Variants in CDH8 observed in about 807,000 individuals in gnomAD.
CDH8 encodes cadherin-8.
A neutral mutation model predicts 68.1 loss-of-function variants in CDH8; 17 were observed. The ratio of observed to expected loss-of-function variants is 0.25; its 90% CI spans 0.17 to 0.37. The LOEUF (loss-of-function observed/expected upper bound fraction) is 0.37. Ranked by LOEUF, CDH8 falls within the 10% of genes least tolerant of loss-of-function variation. CDH8 has a pLI of 1.00. For missense variants in CDH8, 763 were observed against 999.3 expected (o/e 0.76, Z 3.19); for synonymous variants, 372 against 365.1 (o/e 1.02, Z -0.21).
At chr16:61,731,384 C>T (rs539646938) in intron 8 of CDH8, among the ~76,000 whole-genome samples, 6 of 151,690 alleles carry the variant, frequency 4.0e-5, no homozygotes, top group Non-Finnish European at 3.0e-5. Flanking sequence ...CAGATCATAC[C>T]GTGGAACAAA....
intron 3 of CDH8, among the ~76,000 whole-genome samples, chr16:61,882,984 G>A (rs2143141031): frequency 6.6e-6 from 1 of 152,262 alleles, no homozygotes; most frequent in Middle Eastern, 3.4e-3. Flanking sequence ...AGCAAGCACT[G>A]TCCTAGGTGA....
intron 10 of CDH8, among the ~76,000 whole-genome samples, chr16:61,671,150 C>T (rs1963784872): frequency 6.6e-6 from 1 of 152,138 alleles, no homozygotes; most frequent in African/African-American, 2.4e-5. Context: ...AATATCTGAG[C>T]ATATTAATAA....
intron 4 of CDH8, among the ~76,000 whole-genome samples, chr16:61,850,045 TAC>T (rs1162827112): frequency 1.3e-5 from 2 of 151,942 alleles, no homozygotes; most frequent in East Asian, 3.9e-4. Context: ...TGGACTTATA[TAC>T]TATCCATTTT....
intron 8 of CDH8, among the ~76,000 whole-genome samples, chr16:61,782,404 G>A (rs1185363033): frequency 9.2e-5 from 14 of 151,856 alleles, no homozygotes; most frequent in Middle Eastern, 3.4e-3. Context: ...GGCGCACCAC[G>A]AGACTATATC....
chr16:61,812,593 A>C (rs1961977036), intron 7 of CDH8, among the ~76,000 whole-genome samples: 1 of 152,236 alleles, frequency 6.6e-6, no homozygotes, highest in Non-Finnish European at 1.5e-5. Flanking sequence ...AAAGGAAAAA[A>C]AAAATGGCCC....
intron 2 of CDH8, among the ~76,000 whole-genome samples, chr16:61,961,873 C>T (rs376529513): frequency 2.6e-5 from 4 of 152,176 alleles, no homozygotes; most frequent in African/African-American, 7.2e-5. Context: ...ATTAGGGGTC[C>T]GAAGCCCCAT....
At chr16:61,889,798 T>C (rs948583198) in intron 3 of CDH8, among the ~76,000 whole-genome samples, 5 of 152,246 alleles carry the variant, frequency 3.3e-5, no homozygotes, top group East Asian at 3.9e-4. Flanking sequence ...TCAACAAATA[T>C]GTTGAATCCT....
intron 2 of CDH8, among the ~76,000 whole-genome samples, chr16:61,960,527 TTAAC>T (rs972282755): frequency 3.9e-5 from 6 of 152,046 alleles, no homozygotes; most frequent in Non-Finnish European, 7.4e-5. Flanking sequence ...GTAAAAGTGT[TTAAC>T]TATTTTTTCT....
At chr16:61,862,135 TCACACACACACACA>T (rs3069990) in intron 3 of CDH8, among the ~76,000 whole-genome samples, 3 of 146,328 alleles carry the variant, frequency 2.1e-5, no homozygotes, top group South Asian at 2.2e-4. Flanking sequence ...CAAACACCAC[TCACACACACACACA>T]CACACACACA....
At chr16:61,797,231 T>C (rs1441203822) in intron 7 of CDH8, among the ~76,000 whole-genome samples, 1 of 152,076 alleles carries the variant, frequency 6.6e-6, no homozygotes, top group East Asian at 1.9e-4. Flanking sequence ...TTTTGTTTTT[T>C]TGTAATAAAG....
intron 2 of CDH8, among the ~76,000 whole-genome samples, chr16:61,983,657 A>G (rs1337610023): frequency 6.6e-6 from 1 of 152,190 alleles, no homozygotes; most frequent in South Asian, 2.1e-4. Flanking sequence ...CTGCTTAACT[A>G]TAAATTTTAA....
chr16:61,798,028 A>G (rs1315189072), intron 7 of CDH8, among the ~76,000 whole-genome samples: 1 of 152,166 alleles, frequency 6.6e-6, no homozygotes, highest in African/African-American at 2.4e-5. Context: ...TGGAACAAAA[A>G]AAAAGAAAAT....
intron 2 of CDH8, among the ~76,000 whole-genome samples, chr16:61,931,025 T>C (rs561043952): frequency 8.5e-5 from 13 of 152,240 alleles, no homozygotes; most frequent in Non-Finnish European, 1.8e-4. Context: ...AGTTACTGAA[T>C]AGTCATGTCA....
At chr16:61,886,073 C>T (rs544210123) in intron 3 of CDH8, among the ~76,000 whole-genome samples, 44 of 152,316 alleles carry the variant, frequency 2.9e-4, no homozygotes, top group Admixed American at 2.3e-3. Context: ...ACCCTCTACC[C>T]TGGTTCTAAC....
intron 4 of CDH8, among the ~76,000 whole-genome samples, chr16:61,834,412 A>G (rs993810957): frequency 2.0e-5 from 3 of 151,954 alleles, no homozygotes; most frequent in Non-Finnish European, 4.4e-5. Context: ...TAGCACTACA[A>G]TTAATGCTAG....
At position 61,717,467 on chromosome 16, in the gene CDH8, C is replaced by A. The variant is rs1327519804; in HGVS notation, c.1537-3509G>T. On this transcript the variant is annotated intron_variant, in intron 9 of 11. Transcript: ENST00000577390. ...CCCTTAAAAATCTTTCATTGTTTAT[C>A]AAAAATTCTAAATCTAAATTAGATT... 4.6e-5 allele frequency among the ~76,000 whole-genome samples: 7 copies of A among 151,628 alleles called. No individual in the cohort carries two copies. In the East Asian group the frequency reaches 1.4e-3, roughly 30 times the overall value.
At position 61,817,547 on chromosome 16, in the gene CDH8, A is replaced by G. The variant is rs1962107952; in HGVS notation, c.1209T>C (p.Asn403=). The part of the protein sequence containing the change: ...SPTYLLEVHE[N]AALNSVIGQV... The stretch of plus-strand genomic sequence containing the variant: ...GCCCAATCACGGAGTTTAGAGCAGC[A>G]TTTTCATGAACTTCAAGTAGGTAAG... Residue 403 remains asparagine, a synonymous_variant, in exon 7 of 12, where the codon AAT becomes AAC. Coordinates refer to ENST00000577390, the MANE Select transcript of CDH8 (RefSeq NM_001796.5). 7 of 1,613,810 alleles carry G rather than the reference A, an allele frequency of 4.3e-6. No individual in the cohort carries two copies. In the South Asian group the frequency reaches 5.5e-5, roughly 13 times the overall value.
At chr16:61,920,744 C>G (rs1964349022) in intron 2 of CDH8, among the ~76,000 whole-genome samples, 1 of 59,598 alleles carries the variant, frequency 1.7e-5, no homozygotes, top group African/African-American at 6.9e-5. Flanking sequence ...CCCAGCCATC[C>G]CATTACTGGG....
intron 2 of CDH8, among the ~76,000 whole-genome samples, chr16:61,951,234 G>A (rs377313730): frequency 1.1e-4 from 16 of 151,690 alleles, no homozygotes; most frequent in East Asian, 7.7e-4. Context: ...CATATGGGCC[G>A]GGCATGGTGG....
Sources: allele counts gnomAD v4.1 joint callset (sites outside exome capture counted in the v4.1 genomes callset), GRCh38; gene constraint gnomAD v4.1.1; transcripts MANE v1.5; gene names NCBI Gene and HGNC (gene_info 2026-07-23, HGNC 2026-07-21).